MYO1A: variants seen among roughly 807,000 people sequenced by gnomAD.
MYO1A encodes myosin IA, also known as unconventional myosin-Ia.
Under a neutral mutation model 138.5 loss-of-function variants are expected in MYO1A, and 127 were observed. The observed-to-expected ratio is 0.92, with a 90% CI of 0.79 to 1.06. The LOEUF is 1.06. Among genes scored for constraint, MYO1A ranks in the 50% least tolerant of loss-of-function variants. The pLI is 0.00. For missense variants in MYO1A, 1,211 were observed against 1,288.8 expected (o/e 0.94, Z 0.92); for synonymous variants, 477 against 497.5 (o/e 0.96, Z 0.55).
chr12:57,048,233 G>A lies in MYO1A; in HGVS notation c.91C>T (p.Arg31Cys), dbSNP rs769355024. The stretch of plus-strand genomic sequence containing the variant: ...ACATAAATCTCCTTGTTTTCATAGC[G>A]AAGCTGAAGATTCTTGAGCAGTGAC... The part of the protein sequence containing the change: ...EESLLKNLQL[R>C]YENKEIYTYI... The change falls in exon 2 of 28, where the codon CGC (arginine) becomes TGC (cysteine). Residue 31 changes from arginine to cysteine, a missense_variant. By Grantham distance (180) the Arg-to-Cys change is radical. Coordinates refer to ENST00000300119, the MANE Select transcript of MYO1A (RefSeq NM_005379.4). 37 of 1,613,876 alleles carry A rather than the reference G, an allele frequency of 2.3e-5. No homozygotes were observed. Among genetic ancestry groups the A allele is most frequent in the Non-Finnish European group, 2.7e-5 (32 of 1,179,904 alleles).
At position 57,029,597 on chromosome 12, in the gene MYO1A, G is replaced by C; in HGVS notation, c.2725-10C>G. 2 of 1,614,198 alleles carry C rather than the reference G, an allele frequency of 1.2e-6. No homozygotes were observed. Among genetic ancestry groups the C allele is most frequent in the South Asian group, 1.1e-5 (1 of 91,080 alleles). On this transcript the variant is annotated splice_polypyrimidine_tract_variant and intron_variant, in intron 25 of 27. Coordinates refer to ENST00000300119, the MANE Select transcript of MYO1A (RefSeq NM_005379.4). Reference sequence around the variant, plus strand: ...GAATCCGAGAAGAAGTCTAGGGACGGAACAGGCAAGGGTGAGGAAAGGCAG... The same window carrying C: ...GAATCCGAGAAGAAGTCTAGGGACGCAACAGGCAAGGGTGAGGAAAGGCAG...
At chr12:57,050,389 G>A (rs1282871539), upstream of MYO1A, among the ~76,000 whole-genome samples, 1 of 152,174 alleles carries the variant, frequency 6.6e-6, no homozygotes, top group Non-Finnish European at 1.5e-5. Context: ...CAGGAATTTT[G>A]TCAAGGACAG....
chr12:57,029,697 C>G, intron 25 of MYO1A, 43 bp downstream of exon 25: 1 of 1,614,152 alleles, frequency 6.2e-7, no homozygotes, highest in African/African-American at 1.3e-5. Flanking sequence ...CAGCCCACAG[C>G]TCTGCACTAG....
At chr12:57,047,791 A>G (rs2031177657) in intron 3 of MYO1A, 70 bp from the exon 4 acceptor site, 1 of 1,594,626 alleles carries the variant, frequency 6.3e-7, no homozygotes, top group Admixed American at 1.8e-5. Flanking sequence ...CTCAATCTCC[A>G]GCACGCAGGT....
intron 26 of MYO1A, 79 bp from the exon 27 acceptor site, chr12:57,029,338 A>G (rs1262310765): frequency 1.3e-5 from 21 of 1,613,124 alleles, no homozygotes; most frequent in Non-Finnish European, 1.8e-5. Flanking sequence ...AAAGGCCCAG[A>G]GCGAAAGGTC....
chr12:57,048,260 C>T lies in MYO1A; in HGVS notation c.64G>A (p.Glu22Lys), dbSNP rs1333641566. 2 of 1,614,210 alleles carry T rather than the reference C, an allele frequency of 1.2e-6. No individual in the cohort carries two copies. Among genetic ancestry groups the T allele is most frequent in the African/African-American group, 1.3e-5 (1 of 75,058 alleles). ...DLVLLEPLVE[E>K]SLLKNLQLRY... ...AGCTGAAGATTCTTGAGCAGTGACT[C>T]CTCCACCAAGGGTTCCAGGAGGACA... Residue 22 changes from glutamate to lysine, a missense_variant, in exon 2 of 28, where the codon GAG becomes AAG. Coordinates refer to ENST00000300119, the MANE Select transcript of MYO1A (RefSeq NM_005379.4).
chr12:57,046,676 T>C lies in MYO1A; in HGVS notation c.542-26A>G, dbSNP rs770461462. The C allele has an allele frequency of 5.0e-6, 8 of 1,596,260 alleles. No individual in the cohort carries two copies. In the East Asian group the frequency reaches 1.6e-4, roughly 31 times the overall value. On this transcript the variant is annotated intron_variant, in intron 7 of 27. Transcript: ENST00000300119. ...CTGGCAGAGAATTAGAAAAATAATATCCTGAGGGCCTGGGAGATGCCGTAG... is the reference window on the plus strand; with the variant it reads ...CTGGCAGAGAATTAGAAAAATAATACCCTGAGGGCCTGGGAGATGCCGTAG...
Position 57,037,003 on chromosome 12 carries a change from G to A in MYO1A, c.2144C>T (p.Thr715Ile). 6.2e-7 allele frequency: 1 copy of A among 1,614,204 alleles called. No homozygotes were observed. Among genetic ancestry groups the A allele is most frequent in the Non-Finnish European group, 8.5e-7 (1 of 1,180,036 alleles). The change falls in exon 20 of 28, where the codon ACC (threonine) becomes ATC (isoleucine). Residue 715 changes from threonine (T) to isoleucine (I), a missense_variant. Coordinates refer to ENST00000300119, the MANE Select transcript of MYO1A (RefSeq NM_005379.4). ...ACTCTTTCGCATCAGTTGGTAGTGGGTGCGGCAGCGCCAGCCTCGGTAAAT... is the reference window on the plus strand; with the variant it reads ...ACTCTTTCGCATCAGTTGGTAGTGGATGCGGCAGCGCCAGCCTCGGTAAAT... Reference protein sequence around the residue: ...QKIYRGWRCRTHYQLMRKSQI... With the variant: ...QKIYRGWRCRIHYQLMRKSQI...
In MYO1A at chr12:57,031,101, G is replaced by A. The variant is rs761735238; in HGVS notation, c.2423C>T (p.Ala808Val). Reference protein sequence around the residue: ...TNVLDKTWPAAPYKCLSTANQ... With the variant: ...TNVLDKTWPAVPYKCLSTANQ... Reference sequence around the variant, plus strand: ...TGCTGTGCTGAGGCACTTGTAGGGGGCGGCTGGCCATGTCTTGTCTAAGAC... The same window carrying A: ...TGCTGTGCTGAGGCACTTGTAGGGGACGGCTGGCCATGTCTTGTCTAAGAC... Residue 808 changes from alanine (A) to valine (V), a missense_variant, in exon 23 of 28, where the codon GCC (alanine) becomes GTC (valine). Coordinates refer to ENST00000300119, the MANE Select transcript of MYO1A (RefSeq NM_005379.4). The A allele has an allele frequency of 2.5e-6, 4 of 1,614,048 alleles. No individual in the cohort carries two copies. Among genetic ancestry groups the A allele is most frequent in the South Asian group, 1.1e-5 (1 of 91,088 alleles).
chr12:57,038,106 C>T, intron 17 of MYO1A, 37 bp from the exon 18 acceptor site: 1 of 1,605,348 alleles, frequency 6.2e-7, no homozygotes, highest in Non-Finnish European at 8.5e-7. Context: ...CCTTCAGGAG[C>T]TGACATCATT....
intron 5 of MYO1A, 21 bp downstream of exon 5, chr12:57,047,282 G>A: frequency 6.2e-7 from 1 of 1,603,244 alleles, no homozygotes; most frequent in Non-Finnish European, 8.5e-7. Flanking sequence ...GGGTGGAGAG[G>A]GCAGAGAGCA....
Position 57,038,496 on chromosome 12 carries a change from C to T in MYO1A, c.1676G>A (p.Arg559His), listed in dbSNP as rs768862955. ...EGNPKQASLK[R>H]PPTAGAQFKS... ...GAACTGGGCCCCAGCAGTCGGGGGG[C>T]GTTTGAGAGATGCCTGCTTAGGATT... The change falls in exon 17 of 28, where the codon CGC (arginine) becomes CAC (histidine). Residue 559 changes from arginine (R) to histidine (H), a missense_variant. Physicochemically the swap from Arg to His is conservative, Grantham distance 29. Coordinates refer to ENST00000300119, the MANE Select transcript of MYO1A (RefSeq NM_005379.4). 8.7e-6 allele frequency: 14 copies of T among 1,614,164 alleles called. No individual in the cohort carries two copies. The highest frequency in any genetic ancestry group is 4.5e-5 in the East Asian group (2 of 44,886).
At position 57,031,155 on chromosome 12, in the gene MYO1A, C is replaced by A; in HGVS notation, c.2369G>T (p.Gly790Val). ...TGTGGATGGCAAATTGTTCTTCAGC[C>A]CCAGTAGGAATTTCTGTACCTAGTT... ...YKSMVQKFLL[G>V]LKNNLPSTNV... The change falls in exon 23 of 28, where the codon GGG becomes GTG. Residue 790 changes from glycine to valine, a missense_variant. Physicochemically the swap from Gly to Val is moderately radical, Grantham distance 109. Coordinates refer to ENST00000300119, the MANE Select transcript of MYO1A (RefSeq NM_005379.4). The A allele has an allele frequency of 6.2e-7, 1 of 1,614,018 alleles. No individual in the cohort carries two copies. Among genetic ancestry groups the A allele is most frequent in the South Asian group, 1.1e-5 (1 of 91,060 alleles).
At chr12:57,047,490 C>G in intron 4 of MYO1A, 83 bp from the exon 5 acceptor site, 1 of 1,500,950 alleles carries the variant, frequency 6.7e-7, no homozygotes, top group East Asian at 2.3e-5. Flanking sequence ...ACCCCAGTGC[C>G]TCACCACCCC....
intron 22 of MYO1A, among the ~76,000 whole-genome samples, chr12:57,033,360 G>C (rs749260034): frequency 4.6e-5 from 7 of 151,960 alleles, no homozygotes; most frequent in Non-Finnish European, 8.8e-5. Context: ...TTTTGTTTTT[G>C]CCTCTTTTTT....
In MYO1A at chr12:57,043,249, A is replaced by G. The variant is rs752873068; in HGVS notation, c.1002T>C (p.Asn334=). 1.4e-5 allele frequency: 23 copies of G among 1,614,042 alleles called. No individual in the cohort carries two copies. Among genetic ancestry groups the G allele is most frequent in the South Asian group, 1.2e-4 (11 of 91,090 alleles). The change falls in exon 11 of 28, where the codon AAT becomes AAC. Residue 334 remains asparagine (N), a synonymous_variant. Coordinates refer to ENST00000300119, the MANE Select transcript of MYO1A (RefSeq NM_005379.4). ...TAKEKVVTAL[N]VMQAQYARDA... ...CCAGTGAGCTCCTTACCTGCATAAC[A>G]TTCAGTGCAGTGACCACCTTTTCCT...
intron 23 of MYO1A, 90 bp downstream of exon 23, chr12:57,030,950 A>G (rs929608043): frequency 6.7e-7 from 1 of 1,501,760 alleles, no homozygotes; most frequent in Non-Finnish European, 9.0e-7. Context: ...TTTTAATGGG[A>G]AAAAAATAGA....
chr12:57,047,544 G>C (rs946584965), intron 4 of MYO1A, 83 bp downstream of exon 4: 37 of 1,525,872 alleles, frequency 2.4e-5, no homozygotes, highest in Non-Finnish European at 3.1e-5. Flanking sequence ...GGGGTGGAGG[G>C]TCAGGTCTAG....
At chr12:57,042,040 A>C (rs2030881708) in intron 12 of MYO1A, among the ~76,000 whole-genome samples, 1 of 152,198 alleles carries the variant, frequency 6.6e-6, no homozygotes, top group Non-Finnish European at 1.5e-5. Context: ...GTGGCTTTTT[A>C]GTATATTCAA....
Sources: allele counts gnomAD v4.1 joint callset (sites outside exome capture counted in the v4.1 genomes callset), GRCh38; gene constraint gnomAD v4.1.1; transcripts MANE v1.5; gene names NCBI Gene and HGNC (gene_info 2026-07-23, HGNC 2026-07-21).